The following DRC10 variants were observed in gnomAD, a reference collection of about 807,000 sequenced individuals.
DRC10 encodes the protein IQ domain-containing protein D.
chr12:113,199,473 G>C, the DRC10 span, among the ~76,000 whole-genome samples: 2 of 152,174 alleles, frequency 1.3e-5, no homozygotes, highest in Non-Finnish European at 2.9e-5. Flanking sequence ...GGGCACCATG[G>C]GTAGGCCGGC....
At chr12:113,202,905 T>C in the DRC10 span, 3 of 347,248 alleles carry the variant, frequency 8.6e-6, no homozygotes, top group Admixed American at 3.2e-5. Flanking sequence ...AGCAGCCAAA[T>C]CTGTACTCAT....
At chr12:113,197,556 C>T in the DRC10 span, 1 of 1,533,504 alleles carries the variant, frequency 6.5e-7, no homozygotes, top group Non-Finnish European at 8.7e-7. Context: ...TCTCACCCAT[C>T]TCTGTATCAT....
At chr12:113,219,095 G>A in the DRC10 span, among the ~76,000 whole-genome samples, 1 of 152,064 alleles carries the variant, frequency 6.6e-6, no homozygotes, top group Non-Finnish European at 1.5e-5. Flanking sequence ...GAGTGCAGTG[G>A]CACGATCTCG....
chr12:113,215,972 C>T, the DRC10 span, among the ~76,000 whole-genome samples: 1 of 152,168 alleles, frequency 6.6e-6, no homozygotes, highest in Non-Finnish European at 1.5e-5. Context: ...CAAATTTAAA[C>T]CTGCTCTTAC....
the DRC10 span, among the ~76,000 whole-genome samples, chr12:113,214,483 G>A: frequency 6.7e-6 from 1 of 148,782 alleles, no homozygotes; most frequent in African/African-American, 2.5e-5. Flanking sequence ...ACTCCAGCCT[G>A]GGTGACAGCG....
chr12:113,217,642 G>A, the DRC10 span, among the ~76,000 whole-genome samples: 2 of 151,924 alleles, frequency 1.3e-5, no homozygotes, highest in Non-Finnish European at 2.9e-5. Context: ...AGCAATTCTC[G>A]TGCCTCAGCC....
the DRC10 span, among the ~76,000 whole-genome samples, chr12:113,202,751 G>T: frequency 8.5e-5 from 13 of 152,184 alleles, no homozygotes; most frequent in Non-Finnish European, 1.6e-4. Context: ...TCCCATGTTG[G>T]GGACAGCAGG....
At chr12:113,199,354 C>G in the DRC10 span, among the ~76,000 whole-genome samples, 1 of 152,098 alleles carries the variant, frequency 6.6e-6, no homozygotes, top group Non-Finnish European at 1.5e-5. Context: ...TATGATCACG[C>G]CACTGCACTC....
the DRC10 span, chr12:113,200,540 A>G: frequency 1.4e-4 from 81 of 576,620 alleles, no homozygotes; most frequent in Non-Finnish European, 2.3e-4. Flanking sequence ...CCCCCCCACC[A>G]GGGGCCCCCT....
the DRC10 span, among the ~76,000 whole-genome samples, chr12:113,217,285 C>A: frequency 6.6e-6 from 1 of 152,056 alleles, no homozygotes; most frequent in Non-Finnish European, 1.5e-5. Flanking sequence ...CCTGTGGAAA[C>A]TCTCTCACCT....
At chr12:113,200,613 C>T in the DRC10 span, 3 of 1,536,144 alleles carry the variant, frequency 2.0e-6, no homozygotes, top group Non-Finnish European at 2.6e-6. Flanking sequence ...CCCGGTTCTC[C>T]ATGACCAGGT....
chr12:113,197,574 G>T, the DRC10 span: 1 of 1,534,544 alleles, frequency 6.5e-7, no homozygotes, highest in South Asian at 1.2e-5. Flanking sequence ...CATATTTCTG[G>T]ATCCAGTTCT....
At chr12:113,207,675 C>CTGGG in the DRC10 span, 1 of 1,614,010 alleles carries the variant, frequency 6.2e-7, no homozygotes, top group South Asian at 1.1e-5. Context: ...GCCTAGCAGC[C>CTGGG]TGGGGGTTGC....
the DRC10 span, chr12:113,200,537 A>ACCCGGGGCCCCC: frequency 1.6e-6 from 1 of 609,398 alleles, no homozygotes; most frequent in Non-Finnish European, 2.8e-6. Flanking sequence ...CATCCCCCCC[A>ACCCGGGGCCCCC]CCAGGGGCCC....
the DRC10 span, among the ~76,000 whole-genome samples, chr12:113,210,010 A>C: frequency 6.6e-6 from 1 of 152,180 alleles, no homozygotes; most frequent in Non-Finnish European, 1.5e-5. Context: ...CCTGTTACTC[A>C]GGTTAACCCC....
the DRC10 span, chr12:113,221,012 C>G: frequency 7.6e-6 from 3 of 392,852 alleles, no homozygotes; most frequent in Non-Finnish European, 1.5e-5. Flanking sequence ...CTGACCGCTC[C>G]AGGTTTCCCT....
the DRC10 span, among the ~76,000 whole-genome samples, chr12:113,204,173 C>T: frequency 4.6e-5 from 7 of 152,166 alleles, no homozygotes; most frequent in Non-Finnish European, 1.0e-4. Flanking sequence ...AGGTCAAGGC[C>T]GCAGTGAGCT....
At chr12:113,197,496 G>T in the DRC10 span, 2 of 1,316,626 alleles carry the variant, frequency 1.5e-6, no homozygotes, top group Non-Finnish European at 2.1e-6. Flanking sequence ...TTCCTAGAAG[G>T]TCTTGGGAAA....
the DRC10 span, chr12:113,197,696 G>T: frequency 1.1e-6 from 1 of 870,918 alleles, no homozygotes; most frequent in South Asian, 1.4e-5. Flanking sequence ...ACTAGGCTCT[G>T]GCAGGTGCTT....
Sources: gnomAD v4.1 joint callset for allele counts (sites outside exome capture counted in the v4.1 genomes callset) on GRCh38, gnomAD v4.1.1 for gene constraint, MANE v1.5 for transcripts, NCBI Gene and HGNC (gene_info 2026-07-23, HGNC 2026-07-21) for gene names.